The following KIF16B variants were observed in gnomAD, a reference collection of about 807,000 sequenced individuals.
KIF16B encodes kinesin family member 16B, also known as kinesin-like protein KIF16B.
Under a neutral mutation model 156.3 loss-of-function variants are expected in KIF16B, and 98 were observed. That is an observed-to-expected ratio of 0.63 (90% CI 0.53 to 0.74). The LOEUF (loss-of-function observed/expected upper bound fraction) is 0.74, where lower values mean the gene tolerates loss of function less well. Ranked by LOEUF, KIF16B falls within the 30% of genes least tolerant of loss-of-function variation. The pLI is 0.00. For synonymous variants in KIF16B, 564 were observed against 583.7 expected, an observed-to-expected ratio of 0.97 and a Z score of 0.49; for missense variants, 1,421 against 1,606.5, an observed-to-expected ratio of 0.88 and a Z score of 1.97.
At chr20:16,314,043 C>G (rs1015362686) in intron 24 of KIF16B, among the ~76,000 whole-genome samples, 2 of 152,238 alleles carry the variant, frequency 1.3e-5, no homozygotes, top group Non-Finnish European at 2.9e-5. Flanking sequence ...TAGTAACTGA[C>G]ACTCCTATCA....
intron 12 of KIF16B, among the ~76,000 whole-genome samples, chr20:16,461,490 G>A (rs16997644): frequency 0.067 from 10,198 of 152,004 alleles, 440 homozygotes; most frequent in African/African-American, 0.11. Flanking sequence ...AACAAACAAC[G>A]CTGATCATAA....
intron 1 of KIF16B, among the ~76,000 whole-genome samples, chr20:16,536,769 G>A (rs2069983314): frequency 6.6e-6 from 1 of 152,120 alleles, no homozygotes; most frequent in African/African-American, 2.4e-5. Flanking sequence ...GAGGAAGGCA[G>A]ACTCCAGTAC....
At chr20:16,332,262 T>C (rs1025145140) in intron 24 of KIF16B, among the ~76,000 whole-genome samples, 11 of 152,152 alleles carry the variant, frequency 7.2e-5, no homozygotes, top group Non-Finnish European at 1.3e-4. Flanking sequence ...TCTGTCTCTG[T>C]AAAACAAGGA....
chr20:16,515,713 A>T, intron 3 of KIF16B, 49 bp from the exon 4 acceptor site: 2 of 1,017,832 alleles, frequency 2.0e-6, no homozygotes, highest in Non-Finnish European at 3.1e-6. Flanking sequence ...ATAGATTTTA[A>T]TAATAGCCCC....
intron 1 of KIF16B, among the ~76,000 whole-genome samples, chr20:16,548,010 C>T (rs1362971739): frequency 2.6e-5 from 4 of 152,120 alleles, no homozygotes; most frequent in Admixed American, 6.5e-5. Flanking sequence ...TGAGAATCAG[C>T]GTCCTAATTC....
intron 15 of KIF16B, among the ~76,000 whole-genome samples, chr20:16,413,989 GAT>G (rs777412361): frequency 2.1e-4 from 32 of 151,894 alleles, no homozygotes; most frequent in Non-Finnish European, 4.3e-4. Context: ...ATATCTTAAA[GAT>G]ATTTATTTAT....
chr20:16,366,670 G>A (rs2123247371), intron 22 of KIF16B, among the ~76,000 whole-genome samples: 1 of 152,298 alleles, frequency 6.6e-6, no homozygotes, highest in South Asian at 2.1e-4. Flanking sequence ...GAAGCTTGAT[G>A]CATCACTAAT....
chr20:16,566,490 C>A (rs2071261081), intron 1 of KIF16B, among the ~76,000 whole-genome samples: 1 of 152,244 alleles, frequency 6.6e-6, no homozygotes, highest in Non-Finnish European at 1.5e-5. Context: ...TGTTTTAGAA[C>A]CATCAGTAGC....
intron 25 of KIF16B, among the ~76,000 whole-genome samples, chr20:16,283,338 G>A (rs1356512841): frequency 6.6e-6 from 1 of 152,178 alleles, no homozygotes; most frequent in Non-Finnish European, 1.5e-5. Context: ...GCCAATCCTA[G>A]TGTGCCTCCC....
chr20:16,353,386 T>C (rs1327914738), intron 23 of KIF16B, among the ~76,000 whole-genome samples: 1 of 152,056 alleles, frequency 6.6e-6, no homozygotes, highest in Non-Finnish European at 1.5e-5. Context: ...CCCAACAAAA[T>C]CCAAAACTCT....
chr20:16,362,637 A>AAT (rs1028515097), intron 22 of KIF16B, among the ~76,000 whole-genome samples: 1 of 152,184 alleles, frequency 6.6e-6, no homozygotes, highest in Non-Finnish European at 1.5e-5. Flanking sequence ...ACTGTGGACA[A>AAT]ATATATATAT....
At chr20:16,438,981 C>T (rs537069969) in intron 12 of KIF16B, among the ~76,000 whole-genome samples, 3 of 152,206 alleles carry the variant, frequency 2.0e-5, no homozygotes, top group Admixed American at 6.5e-5. Flanking sequence ...AGGGAAGGAG[C>T]GGTCTGTGAA....
chr20:16,403,922 T>C (rs2065718337), intron 17 of KIF16B, among the ~76,000 whole-genome samples: 1 of 152,164 alleles, frequency 6.6e-6, no homozygotes, highest in Admixed American at 6.5e-5. Context: ...AGTCAAAGCA[T>C]GAGTGATGGA....
At chr20:16,463,367 T>C (rs2067400767) in intron 12 of KIF16B, among the ~76,000 whole-genome samples, 1 of 152,208 alleles carries the variant, frequency 6.6e-6, no homozygotes, top group South Asian at 2.1e-4. Flanking sequence ...AAAGTCACAG[T>C]AAGGCACTAT....
At chr20:16,505,940 T>C (rs1204580665) in intron 8 of KIF16B, 82 bp downstream of exon 8, 10 of 1,603,840 alleles carry the variant, frequency 6.2e-6, no homozygotes, top group East Asian at 4.5e-5. Context: ...CTTGAAGAAA[T>C]TACCTCAGTT....
chr20:16,460,728 C>T (rs972667212), intron 12 of KIF16B, among the ~76,000 whole-genome samples: 24 of 150,860 alleles, frequency 1.6e-4, no homozygotes, highest in African/African-American at 5.6e-4. Context: ...TAGGAAGCAA[C>T]GAAAACCAGA....
intron 12 of KIF16B, among the ~76,000 whole-genome samples, chr20:16,492,012 T>A (rs1443111765): frequency 6.6e-6 from 1 of 152,158 alleles, no homozygotes; most frequent in Non-Finnish European, 1.5e-5. Flanking sequence ...GACTTCAGCC[T>A]CCTGCCCACC....
chr20:16,518,943 C>A (rs1012309733), intron 3 of KIF16B, among the ~76,000 whole-genome samples: 1 of 152,172 alleles, frequency 6.6e-6, no homozygotes, highest in African/African-American at 2.4e-5. Flanking sequence ...ACCACTCCTT[C>A]TCGTCCACAT....
At chr20:16,477,208 T>TAAA (rs71192337) in intron 12 of KIF16B, among the ~76,000 whole-genome samples, 1 of 136,520 alleles carries the variant, frequency 7.3e-6, no homozygotes, top group Non-Finnish European at 1.6e-5. Flanking sequence ...TTTCTCTCCT[T>TAAA]AAAAAAAAAA....
Sources: allele counts gnomAD v4.1 joint callset (sites outside exome capture counted in the v4.1 genomes callset), GRCh38; gene constraint gnomAD v4.1.1; transcripts MANE v1.5; gene names NCBI Gene and HGNC (gene_info 2026-07-23, HGNC 2026-07-21).